Variants in RORB observed in about 807,000 individuals in gnomAD.
The protein encoded by RORB is RAR related orphan receptor B, also known as nuclear receptor ROR-beta.
In RORB, 6 loss-of-function variants were observed where a neutral mutation model predicts 59.1. That is an observed-to-expected ratio of 0.10 (90% confidence interval 0.06 to 0.20). RORB has a LOEUF of 0.20. Ranked by LOEUF, RORB falls within the 10% of genes least tolerant of loss-of-function variation. The pLI, the probability that RORB is intolerant of heterozygous loss-of-function variation, is 1.00. For missense variants in RORB, 320 were observed against 560.5 expected, an observed-to-expected ratio of 0.57 and a Z score of 4.33; for synonymous variants, 215 against 204.5, an observed-to-expected ratio of 1.05 and a Z score of -0.44.
chr9:74,566,053 T>C (rs2118208475), intron 1 of RORB, among the ~76,000 whole-genome samples: 1 of 152,294 alleles, frequency 6.6e-6, no homozygotes, highest in South Asian at 2.1e-4. Context: ...AAGACCATAG[T>C]CATCAATGTA....
At chr9:74,616,666 G>C (rs372301019) in intron 1 of RORB, among the ~76,000 whole-genome samples, 1 of 152,094 alleles carries the variant, frequency 6.6e-6, no homozygotes, top group Non-Finnish European at 1.5e-5. Flanking sequence ...ACATACTAAC[G>C]TCTATGTACT....
chr9:74,568,831 A>C, intron 1 of RORB, among the ~76,000 whole-genome samples: 1 of 152,250 alleles, frequency 6.6e-6, no homozygotes, highest in African/African-American at 2.4e-5. Context: ...CATATTTATA[A>C]GTATAAATGT....
intron 1 of RORB, among the ~76,000 whole-genome samples, chr9:74,622,777 A>T (rs1823445638): frequency 6.6e-6 from 1 of 151,960 alleles, no homozygotes; most frequent in Non-Finnish European, 1.5e-5. Flanking sequence ...CACCCGCCTC[A>T]GCCTCCCAAC....
At chr9:74,662,391 C>T in intron 5 of RORB, 83 bp from the exon 6 acceptor site, 1 of 1,360,940 alleles carries the variant, frequency 7.3e-7, no homozygotes, top group Admixed American at 1.7e-5. Context: ...GACAGATAAG[C>T]ACCAGTAAGG....
At chr9:74,652,281 G>T (rs1824005507) in intron 4 of RORB, among the ~76,000 whole-genome samples, 1 of 152,106 alleles carries the variant, frequency 6.6e-6, no homozygotes, top group African/African-American at 2.4e-5. Flanking sequence ...GGTGGCTCGT[G>T]CCTGTAGTCC....
At chr9:74,662,649 G>A (rs1360966850) in intron 6 of RORB, 43 bp downstream of exon 6, 2 of 1,604,242 alleles carry the variant, frequency 1.2e-6, no homozygotes. Context: ...AGATAAGGAT[G>A]TGGTCAGCCC....
rs372049334 is a variant in RORB at position 74,598,785 on chromosome 9, A to T, written c.8-31497A>T. ...ACCTGAGGCTGGGTGATTTATAAAG[A>T]AAAGAGGTTTATTTATTTCATGCCT... On this transcript the variant is annotated intron_variant, in intron 1 of 9. Coordinates refer to ENST00000376896, the MANE Select transcript of RORB (RefSeq NM_006914.4). Among the ~76,000 whole-genome samples, 46 of 152,320 alleles carry T rather than the reference A, an allele frequency of 3.0e-4. 1 individual carries two copies. In the South Asian group the frequency reaches 9.1e-3, roughly 30 times the overall value.
At chr9:74,594,085 C>A in intron 1 of RORB, among the ~76,000 whole-genome samples, 1 of 152,156 alleles carries the variant, frequency 6.6e-6, no homozygotes, top group East Asian at 1.9e-4. Flanking sequence ...GGGGAATTTG[C>A]AAAGGCTCCA....
intron 1 of RORB, among the ~76,000 whole-genome samples, chr9:74,613,838 C>T (rs1398507336): frequency 6.6e-6 from 1 of 152,220 alleles, no homozygotes. Flanking sequence ...CATTTGCTTT[C>T]TGTTCCTGTG....
intron 6 of RORB, 64 bp downstream of exon 6, chr9:74,662,670 G>A: frequency 6.5e-7 from 1 of 1,548,716 alleles, no homozygotes; most frequent in Non-Finnish European, 8.8e-7. Flanking sequence ...TTAGCACTGT[G>A]TTGGTTCTAG....
rs752334183 is a variant in RORB, at chr9:74,498,026, A to C, written c.7+43A>C. 9.4e-6 allele frequency: 15 copies of C among 1,602,178 alleles called. No individual in the cohort carries two copies. The Admixed American group carries it at 2.5e-4, about 27-fold the overall frequency. ...CACCGAGGCTCCCCGAGTCCGGCCA[A>C]CTCCAGCCAGACGGGGAGATGGGGG... On this transcript the variant is annotated intron_variant, in intron 1 of 9. Transcript: ENST00000376896.
chr9:74,561,716 A>G (rs567316662), intron 1 of RORB, among the ~76,000 whole-genome samples: 26 of 152,348 alleles, frequency 1.7e-4, no homozygotes, highest in African/African-American at 6.0e-4. Flanking sequence ...GATCAAAACC[A>G]GGAAATTAAC....
intron 1 of RORB, among the ~76,000 whole-genome samples, chr9:74,584,680 C>T (rs528470314): frequency 7.2e-5 from 11 of 152,214 alleles, no homozygotes; most frequent in African/African-American, 2.2e-4. Context: ...ATGGAACACA[C>T]CCAGCAAGAC....
intron 9 of RORB, among the ~76,000 whole-genome samples, chr9:74,673,687 A>G (rs1824386642): frequency 6.6e-6 from 1 of 152,216 alleles, no homozygotes; most frequent in Non-Finnish European, 1.5e-5. Context: ...ACTGTAGATC[A>G]GATTAACTTC....
At chr9:74,523,564 T>G (rs2118077164) in intron 1 of RORB, among the ~76,000 whole-genome samples, 1 of 152,064 alleles carries the variant, frequency 6.6e-6, no homozygotes, top group Non-Finnish European at 1.5e-5. Flanking sequence ...ATCTGTGTTA[T>G]TGTACATATA....
chr9:74,690,876 G>C lies in RORB; in HGVS notation c.*5258G>C, dbSNP rs1432093956. On this transcript the variant is annotated 3_prime_UTR_variant, in exon 10 of 10. Transcript: ENST00000376896. Reference sequence around the variant, plus strand: ...CCTTCTTCATAGAGCCAGGGGGCTGGATTTCTTGCCACTTTTTTTCTGAAA... The same window carrying C: ...CCTTCTTCATAGAGCCAGGGGGCTGCATTTCTTGCCACTTTTTTTCTGAAA... 1 of 152,196 alleles carries C rather than the reference G, an allele frequency of 6.6e-6. No homozygotes were observed. Among genetic ancestry groups the C allele is most frequent in the Non-Finnish European group, 1.5e-5 (1 of 68,034 alleles). The allele number at this position is 152,196 out of a possible 1,614,324, so 9.4% of individuals were successfully genotyped here. A position where few individuals can be genotyped will look rare whatever the true frequency, so the allele number is the denominator to read the frequency against.
At chr9:74,638,441 T>C (rs913353185) in intron 3 of RORB, among the ~76,000 whole-genome samples, 1 of 152,200 alleles carries the variant, frequency 6.6e-6, no homozygotes, top group African/African-American at 2.4e-5. Flanking sequence ...TCATTGAATA[T>C]TTATAAGCAC....
intron 1 of RORB, among the ~76,000 whole-genome samples, chr9:74,618,944 G>A (rs1823360999): frequency 6.6e-6 from 1 of 152,084 alleles, no homozygotes; most frequent in Admixed American, 6.6e-5. Flanking sequence ...ATACTTGGTT[G>A]AACTATATGA....
chr9:74,642,137 T>C (rs141007406), intron 3 of RORB, among the ~76,000 whole-genome samples: 17 of 152,330 alleles, frequency 1.1e-4, no homozygotes, highest in African/African-American at 3.8e-4. Flanking sequence ...AAAACATGCT[T>C]TCTAACTTCA....
Sources: allele counts gnomAD v4.1 joint callset (sites outside exome capture counted in the v4.1 genomes callset), GRCh38; gene constraint gnomAD v4.1.1; transcripts MANE v1.5; gene names NCBI Gene and HGNC (gene_info 2026-07-23, HGNC 2026-07-21).